MRC1: variants seen among roughly 807,000 people sequenced by gnomAD.
MRC1 encodes macrophage mannose receptor 1.
A neutral mutation model predicts 102.9 loss-of-function variants in MRC1; 62 were observed. The observed-to-expected ratio is 0.60, with a 90% CI of 0.49 to 0.74. The LOEUF (loss-of-function observed/expected upper bound fraction) is 0.74. Among genes scored for constraint, MRC1 ranks in the 30% least tolerant of loss-of-function variants. The probability of loss-of-function intolerance (pLI) is 0.00; values close to 1 mark genes in which losing one functional copy is unlikely to be tolerated. For missense variants in MRC1, 1,237 were observed against 862.8 expected (o/e 1.43, Z -5.43); for synonymous variants, 457 against 298.4 (o/e 1.53, Z -5.48).
chr10:17,856,808 A>G (rs1160267560), intron 9 of MRC1, among the ~76,000 whole-genome samples: 2 of 152,134 alleles, frequency 1.3e-5, no homozygotes, highest in Admixed American at 1.3e-4. Flanking sequence ...CCCATTTATA[A>G]TCTTTCTGAT....
chr10:17,896,273 AC>A (rs1182081562), intron 23 of MRC1, among the ~76,000 whole-genome samples: 1 of 152,148 alleles, frequency 6.6e-6, no homozygotes, highest in Non-Finnish European at 1.5e-5. Flanking sequence ...ATGACTGAAA[AC>A]CATCTAAGAT....
At chr10:17,848,859 C>T (rs1589176477) in intron 6 of MRC1, among the ~76,000 whole-genome samples, 1 of 152,104 alleles carries the variant, frequency 6.6e-6, no homozygotes, top group African/African-American at 2.4e-5. Context: ...GTGGCTGACT[C>T]ATGTGGCTAT....
At chr10:17,814,219 G>T (rs1554837664) in intron 1 of MRC1, among the ~76,000 whole-genome samples, 1 of 152,220 alleles carries the variant, frequency 6.6e-6, no homozygotes, top group East Asian at 1.9e-4. Flanking sequence ...TCTTCATTAT[G>T]ATCTTTAGAC....
chr10:17,838,046 C>T (rs930138309), intron 4 of MRC1, among the ~76,000 whole-genome samples: 1 of 151,788 alleles, frequency 6.6e-6, no homozygotes, highest in Admixed American at 6.6e-5. Context: ...ATTATTAGCC[C>T]CACTGTATAG....
In MRC1 at chr10:17,824,743, A is replaced by G. The variant is rs912016160; in HGVS notation, c.463+1268A>G. On this transcript the variant is annotated intron_variant, in intron 2 of 29. Transcript: ENST00000569591. ...ATTCCACAGGTGGGACAATTGTGCT[A>G]ATTGAGGAGTTTAACTTGAGGAAGA... Among the ~76,000 whole-genome samples the G allele has an allele frequency of 1.9e-3, 284 of 152,254 alleles. 10 individuals carry two copies. In the East Asian group the frequency reaches 0.045, roughly 24 times the overall value.
chr10:17,870,627 C>A lies in MRC1; in HGVS notation c.2112-221C>A, dbSNP rs900499319. 5.7e-3 allele frequency among the ~76,000 whole-genome samples: 874 copies of A among 152,166 alleles called. 22 individuals are homozygous for A. The East Asian group carries it at 0.075, about 13-fold the overall frequency. On this transcript the variant is annotated intron_variant, in intron 13 of 29. Coordinates refer to ENST00000569591, the MANE Select transcript of MRC1 (RefSeq NM_002438.4). ...ACGTATTTGTCTTTCAATACGATAC[C>A]ATTATTTACTCTCAGGCAGTGGTCT... is the stretch of plus-strand genomic sequence containing the variant.
intron 7 of MRC1, among the ~76,000 whole-genome samples, chr10:17,852,703 A>G (rs967492136): frequency 4.6e-5 from 7 of 152,344 alleles, no homozygotes; most frequent in Non-Finnish European, 8.8e-5. Flanking sequence ...ACAATCTACA[A>G]TATTTCCACT....
intron 21 of MRC1, among the ~76,000 whole-genome samples, chr10:17,883,881 G>A (rs1833553428): frequency 6.6e-6 from 1 of 152,154 alleles, no homozygotes; most frequent in Non-Finnish European, 1.5e-5. Flanking sequence ...ATGTCTCTTG[G>A]ATGTTTGCCA....
chr10:17,823,376 A>G lies in MRC1; in HGVS notation c.364A>G (p.Arg122Gly), dbSNP rs781927882. 5.1e-6 allele frequency: 4 copies of G among 780,782 alleles called. No homozygotes were observed. The highest frequency in any genetic ancestry group is 5.1e-5 in the African/African-American group (3 of 59,142). 48.4% of individuals were successfully genotyped at this position (780,782 alleles called of 1,614,324 possible). Residue 122 changes from arginine (R) to glycine (G), a missense_variant, in exon 2 of 30, where the codon AGA becomes GGA. Transcript: ENST00000569591. Reference sequence around the variant, plus strand: ...AGATTTATTTTTTAACTACGGCAACAGACAAGAAAAGAATATTATGCTCTA... The same window carrying G: ...AGATTTATTTTTTAACTACGGCAACGGACAAGAAAAGAATATTATGCTCTA... ...GEDLFFNYGN[R>G]QEKNIMLYKG...
chr10:17,890,935 C>T (rs934635914), intron 22 of MRC1, among the ~76,000 whole-genome samples: 2 of 151,944 alleles, frequency 1.3e-5, no homozygotes, highest in South Asian at 2.1e-4. Flanking sequence ...TCAGCAGTGG[C>T]ATTAGATTCT....
intron 2 of MRC1, among the ~76,000 whole-genome samples, chr10:17,827,079 G>A (rs989317657): frequency 2.0e-5 from 3 of 152,066 alleles, no homozygotes; most frequent in Admixed American, 6.5e-5. Context: ...AAATTCAGAA[G>A]TTAAAGCTGG....
chr10:17,896,593 T>G (rs1833758798), intron 23 of MRC1, among the ~76,000 whole-genome samples: 1 of 152,210 alleles, frequency 6.6e-6, no homozygotes, highest in African/African-American at 2.4e-5. Flanking sequence ...AAGGAAAGAT[T>G]CACAGTATTA....
chr10:17,860,398 C>A (rs1833167130), intron 9 of MRC1, among the ~76,000 whole-genome samples: 1 of 151,926 alleles, frequency 6.6e-6, no homozygotes, highest in East Asian at 1.9e-4. Flanking sequence ...GCCTCAGCCT[C>A]CCGAGTAGCT....
intron 26 of MRC1, among the ~76,000 whole-genome samples, chr10:17,904,571 A>G (rs1018976710): frequency 1.3e-5 from 2 of 152,198 alleles, no homozygotes; most frequent in African/African-American, 2.4e-5. Context: ...ATGTGTATAC[A>G]TGTGGTGTTA....
chr10:17,905,435 T>C (rs912919340), intron 26 of MRC1, among the ~76,000 whole-genome samples: 1 of 152,220 alleles, frequency 6.6e-6, no homozygotes, highest in Non-Finnish European at 1.5e-5. Context: ...GAAGAACTTA[T>C]TCTGCATTTC....
At chr10:17,900,702 A>C in intron 24 of MRC1, 86 bp from the exon 25 acceptor site, 1 of 778,834 alleles carries the variant, frequency 1.3e-6, no homozygotes, top group South Asian at 1.4e-5. Context: ...ATGGTCTTAA[A>C]TATACTTTGT....
chr10:17,894,402 T>TTC (rs2130709801), intron 23 of MRC1, 90 bp downstream of exon 23: 2 of 682,530 alleles, frequency 2.9e-6, no homozygotes, highest in East Asian at 5.4e-5. Flanking sequence ...TTCTTTTTTT[T>TTC]TTTTTTTTTT....
intron 1 of MRC1, among the ~76,000 whole-genome samples, chr10:17,814,755 G>A (rs911642868): frequency 2.1e-5 from 3 of 142,934 alleles, no homozygotes; most frequent in Middle Eastern, 3.9e-3. Context: ...GCGCCATCTC[G>A]GCTCACCGCA....
rs940485121 is a variant in MRC1, at chr10:17,892,807, C to T, written c.3148-1403C>T. 8.6e-5 allele frequency among the ~76,000 whole-genome samples: 13 copies of T among 152,002 alleles called. 1 individual carries two copies. Among genetic ancestry groups the T allele is most frequent in the South Asian group, 8.3e-4 (4 of 4,800 alleles). ...TGGGCAGTTCACGAGGTCAAGAGATCGAGACCATCCTGGCCAACATGGTGA... is the reference window on the plus strand; with the variant it reads ...TGGGCAGTTCACGAGGTCAAGAGATTGAGACCATCCTGGCCAACATGGTGA... On this transcript the variant is annotated intron_variant, in intron 22 of 29. Coordinates refer to ENST00000569591, the MANE Select transcript of MRC1 (RefSeq NM_002438.4).
Sources: allele counts gnomAD v4.1 joint callset (sites outside exome capture counted in the v4.1 genomes callset), GRCh38; gene constraint gnomAD v4.1.1; transcripts MANE v1.5; gene names NCBI Gene and HGNC (gene_info 2026-07-23, HGNC 2026-07-21).